Variants in PARD3B observed in about 807,000 individuals in gnomAD.
The protein encoded by PARD3B is par-3 family cell polarity regulator beta.
Under a neutral mutation model 130.2 loss-of-function variants are expected in PARD3B, and 103 were observed. The observed-to-expected ratio is 0.79, with a 90% CI of 0.67 to 0.93. PARD3B has a LOEUF of 0.93. PARD3B is among the 40% of genes least tolerant of loss of function. PARD3B has a pLI of 0.00. For missense variants in PARD3B, 1,609 were observed against 1,499.2 expected (o/e 1.07, Z -1.21); for synonymous variants, 583 against 553.2 (o/e 1.05, Z -0.76).
intron 1 of PARD3B, among the ~76,000 whole-genome samples, chr2:204,638,480 C>A (rs957258045): frequency 6.6e-6 from 1 of 152,086 alleles, no homozygotes; most frequent in Non-Finnish European, 1.5e-5. Context: ...TATTACTGAT[C>A]GCTATATATT....
At chr2:205,044,028 T>C (rs1369474900) in intron 3 of PARD3B, among the ~76,000 whole-genome samples, 7 of 147,366 alleles carry the variant, frequency 4.8e-5, no homozygotes, top group Non-Finnish European at 1.0e-4. Context: ...CATTGTTCAA[T>C]TCCCACCTAT....
At chr2:205,369,346 C>T (rs1266023869) in intron 18 of PARD3B, among the ~76,000 whole-genome samples, 11 of 152,170 alleles carry the variant, frequency 7.2e-5, no homozygotes, top group Non-Finnish European at 1.5e-4. Context: ...TCCCTAGTGT[C>T]ATGGGCTCCT....
At chr2:204,969,572 G>A (rs1409721098) in intron 3 of PARD3B, among the ~76,000 whole-genome samples, 1 of 152,118 alleles carries the variant, frequency 6.6e-6, no homozygotes, top group African/African-American at 2.4e-5. Flanking sequence ...TTTTACAAAT[G>A]AGCAAATAAA....
chr2:205,510,179 C>T (rs1042622118), intron 21 of PARD3B, among the ~76,000 whole-genome samples: 2 of 152,154 alleles, frequency 1.3e-5, no homozygotes, highest in African/African-American at 2.4e-5. Flanking sequence ...GAGAATAGTA[C>T]TGTCTCCTTG....
chr2:205,327,106 G>T (rs2042963160), intron 18 of PARD3B, among the ~76,000 whole-genome samples: 1 of 152,058 alleles, frequency 6.6e-6, no homozygotes, highest in Non-Finnish European at 1.5e-5. Context: ...TTTATTTAAA[G>T]ATCTTCAGCA....
At chr2:204,616,341 C>T (rs1002525418) in intron 1 of PARD3B, among the ~76,000 whole-genome samples, 6 of 152,146 alleles carry the variant, frequency 3.9e-5, no homozygotes, top group African/African-American at 4.8e-5. Context: ...CAAAGAGGTA[C>T]AGATGGTAAA....
chr2:205,446,574 G>C lies in PARD3B; in HGVS notation c.3044+5902G>C, dbSNP rs567876946. 1.7e-4 allele frequency among the ~76,000 whole-genome samples: 26 copies of C among 151,824 alleles called. No homozygotes were observed. Among genetic ancestry groups the C allele is most frequent in the Non-Finnish European group, 3.4e-4 (23 of 68,002 alleles). On this transcript the variant is annotated intron_variant, in intron 20 of 22. Transcript: ENST00000406610. This position sits in a 1 kb window ranked among gnomAD's most constrained non-coding sequence, Gnocchi z 4.4. The stretch of plus-strand genomic sequence containing the variant: ...TCCATAGTAGCTTTCTAATAGAGGC[G>C]ACTTCGGTCTCATACCTACTTGCTT...
intron 1 of PARD3B, among the ~76,000 whole-genome samples, chr2:204,660,534 A>G (rs2035771623): frequency 6.6e-6 from 1 of 152,176 alleles, no homozygotes; most frequent in Admixed American, 6.6e-5. Flanking sequence ...CTGTTCTGTC[A>G]ATACTGTCTC....
Position 204,906,403 on chromosome 2 carries a change from A to G in PARD3B, c.223-58749A>G, listed in dbSNP as rs1023624077. On this transcript the variant is annotated intron_variant, in intron 2 of 22. Transcript: ENST00000406610. The surrounding 1 kb of genome is among the most constrained non-coding windows in gnomAD (Gnocchi z 4.3). ...TTTTCCCCCTTTGTTTTCTCTTTTC[A>G]TTGGTGTGTGTGTGTGTATGTATAA... Among the ~76,000 whole-genome samples, 1 of 151,958 alleles carries G rather than the reference A, an allele frequency of 6.6e-6. No individual in the cohort carries two copies. Among genetic ancestry groups the G allele is most frequent in the East Asian group, 1.9e-4 (1 of 5,182 alleles).
In PARD3B at chr2:204,799,421, G is replaced by A. The variant is rs72934213; in HGVS notation, c.222+113139G>A. Reference sequence around the variant, plus strand: ...TGCTGGCTTCTGGACAGCATTCCTGGAGGTACCCTGGATCAAGGAAGACCT... The same window carrying A: ...TGCTGGCTTCTGGACAGCATTCCTGAAGGTACCCTGGATCAAGGAAGACCT... On this transcript the variant is annotated intron_variant, in intron 2 of 22. Transcript: ENST00000406610. This position sits in a 1 kb window ranked among gnomAD's most constrained non-coding sequence, Gnocchi z 4.1. Among the ~76,000 whole-genome samples, 2,037 of 152,270 alleles carry A rather than the reference G, an allele frequency of 0.013. 42 individuals are homozygous for A. The highest frequency in any genetic ancestry group is 0.015 in the Non-Finnish European group (991 of 68,018).
At chr2:205,437,705 T>C (rs1399999297) in intron 19 of PARD3B, among the ~76,000 whole-genome samples, 1 of 152,024 alleles carries the variant, frequency 6.6e-6, no homozygotes, top group East Asian at 1.9e-4. Flanking sequence ...TAAAAGAGGA[T>C]ACCCAAGAGG....
intron 3 of PARD3B, among the ~76,000 whole-genome samples, chr2:205,026,440 A>C (rs1470891050): frequency 6.6e-6 from 1 of 152,180 alleles, no homozygotes. Flanking sequence ...GTACAGGGTG[A>C]TGATTTGATC....
intron 1 of PARD3B, among the ~76,000 whole-genome samples, chr2:204,553,659 T>TATATATATTTATATATATCC (rs2030672527): frequency 4.0e-4 from 5 of 12,618 alleles, no homozygotes; most frequent in African/African-American, 6.7e-4. Flanking sequence ...TCCATATATA[T>TATATATATTTATATATATCC]ATATATATAT....
intron 2 of PARD3B, among the ~76,000 whole-genome samples, chr2:204,864,784 G>A (rs2045344916): frequency 1.3e-5 from 2 of 152,086 alleles, no homozygotes; most frequent in Admixed American, 1.3e-4. Flanking sequence ...GGAGTGTCTG[G>A]CACTTTACAG....
At position 204,545,999 on chromosome 2, in the gene PARD3B, G is replaced by C; in HGVS notation, c.-1G>C. The C allele has an allele frequency of 1.3e-6, 2 of 1,564,766 alleles. No individual in the cohort carries two copies. Among genetic ancestry groups the C allele is most frequent in the Non-Finnish European group, 1.7e-6 (2 of 1,154,392 alleles). On this transcript the variant is annotated 5_prime_UTR_variant, in exon 1 of 23. Transcript: ENST00000406610. ...GCCCGGCGTGGTCGCCGGGGGCCAG[G>C]ATGAAAGTGACCGTGTGCTTCGGCA... is the stretch of plus-strand genomic sequence containing the variant.
chr2:205,562,440 A>C lies in PARD3B; in HGVS notation c.3260+9037A>C, dbSNP rs947004744. On this transcript the variant is annotated intron_variant, in intron 22 of 22. Coordinates refer to ENST00000406610, the MANE Select transcript of PARD3B (RefSeq NM_001302769.2). This position sits in a 1 kb window ranked among gnomAD's most constrained non-coding sequence, Gnocchi z 5.4. ...TCCCTCATTTTCCATAGAAAATTCC[A>C]AACTGCTACACATTTGTTGGCTAAG... Among the ~76,000 whole-genome samples, 1 of 152,212 alleles carries C rather than the reference A, an allele frequency of 6.6e-6. No individual in the cohort carries two copies. Among genetic ancestry groups the C allele is most frequent in the African/African-American group, 2.4e-5 (1 of 41,464 alleles).
intron 21 of PARD3B, among the ~76,000 whole-genome samples, chr2:205,506,424 G>A (rs1241479164): frequency 6.6e-6 from 1 of 152,162 alleles, no homozygotes. Context: ...TGAGATGGTT[G>A]GGTGAATAAA....
At chr2:204,724,099 T>C (rs760477431) in intron 2 of PARD3B, among the ~76,000 whole-genome samples, 5 of 152,198 alleles carry the variant, frequency 3.3e-5, no homozygotes, top group African/African-American at 4.8e-5. Context: ...ACAGCTTTCA[T>C]TGGAATCCTT....
Position 205,463,743 on chromosome 2 carries a change from C to T in PARD3B, c.3044+23071C>T, listed in dbSNP as rs2048530571. Among the ~76,000 whole-genome samples the T allele has an allele frequency of 1.3e-5, 2 of 152,142 alleles. No individual in the cohort carries two copies. The highest frequency in any genetic ancestry group is 2.4e-5 in the African/African-American group (1 of 41,444). The stretch of plus-strand genomic sequence containing the variant: ...TCACTTGCACGCTGAGACTGAAATC[C>T]TGAAAGATTGTGGCCTGTTTACTGG... On this transcript the variant is annotated intron_variant, in intron 20 of 22. Coordinates refer to ENST00000406610, the MANE Select transcript of PARD3B (RefSeq NM_001302769.2). The surrounding 1 kb of genome is among the most constrained non-coding windows in gnomAD (Gnocchi z 4.8).
Sources: gnomAD v4.1 joint callset for allele counts (sites outside exome capture counted in the v4.1 genomes callset) on GRCh38, gnomAD v4.1.1 for gene constraint, Gnocchi (gnomAD v3.1) non-coding constraint, MANE v1.5 for transcripts, NCBI Gene and HGNC (gene_info 2026-07-23, HGNC 2026-07-21) for gene names.